Variants in MAP4K4 observed in about 807,000 individuals in gnomAD.
The protein encoded by MAP4K4 is mitogen-activated protein kinase kinase kinase kinase 4.
MAP4K4 carries 38 observed loss-of-function variants against 189.6 expected under a neutral mutation model. The ratio of observed to expected loss-of-function variants is 0.20; its 90% CI spans 0.15 to 0.26. The LOEUF (loss-of-function observed/expected upper bound fraction) is 0.26. Ranked by LOEUF, MAP4K4 falls within the 10% of genes least tolerant of loss-of-function variation. The pLI, the probability that MAP4K4 is intolerant of heterozygous loss-of-function variation, is 1.00. For missense variants in MAP4K4, 1,054 were observed against 1,726.9 expected (o/e 0.61, Z 6.91); for synonymous variants, 610 against 624.3 (o/e 0.98, Z 0.34).
At chr2:101,792,183 C>A (rs1233463653) in intron 3 of MAP4K4, among the ~76,000 whole-genome samples, 2 of 152,208 alleles carry the variant, frequency 1.3e-5, no homozygotes, top group South Asian at 4.1e-4. Context: ...ACCAAAGTCT[C>A]CATTCCGAAT....
At chr2:101,701,540 C>T (rs548317694) in intron 2 of MAP4K4, among the ~76,000 whole-genome samples, 3 of 152,054 alleles carry the variant, frequency 2.0e-5, no homozygotes, top group Non-Finnish European at 4.4e-5. Flanking sequence ...GGGACTTGAT[C>T]CAGTTTTTTG....
intron 2 of MAP4K4, among the ~76,000 whole-genome samples, chr2:101,719,414 C>T (rs887049543): frequency 2.0e-5 from 3 of 152,088 alleles, no homozygotes; most frequent in Non-Finnish European, 2.9e-5. Flanking sequence ...GGTCAGAGGC[C>T]GGGACTGCCC....
intron 2 of MAP4K4, among the ~76,000 whole-genome samples, chr2:101,730,450 G>T (rs1254427786): frequency 6.6e-6 from 1 of 152,126 alleles, no homozygotes; most frequent in African/African-American, 2.4e-5. Flanking sequence ...GAAGGCAGAG[G>T]TTAAACTCAT....
chr2:101,850,570 T>A (rs965419860), intron 12 of MAP4K4, among the ~76,000 whole-genome samples: 1 of 152,104 alleles, frequency 6.6e-6, no homozygotes, highest in Non-Finnish European at 1.5e-5. Context: ...ACATTAGGAG[T>A]ACATGTTAGC....
At chr2:101,883,728 A>G (rs2150246201) in intron 28 of MAP4K4, among the ~76,000 whole-genome samples, 1 of 152,176 alleles carries the variant, frequency 6.6e-6, no homozygotes, top group East Asian at 1.9e-4. Context: ...GTTTATGAAA[A>G]TATATACATC....
At chr2:101,867,948 C>G in intron 20 of MAP4K4, 81 bp from the exon 21 acceptor site, 1 of 1,407,716 alleles carries the variant, frequency 7.1e-7, no homozygotes, top group Admixed American at 1.8e-5. Flanking sequence ...CTCTCCCCTT[C>G]TTTCTCCCGC....
chr2:101,832,038 A>G (rs2096608171), intron 7 of MAP4K4, among the ~76,000 whole-genome samples, 187 bp downstream of exon 7: 1 of 152,226 alleles, frequency 6.6e-6, no homozygotes. Flanking sequence ...GTCCATTTGC[A>G]TCACATGACT....
chr2:101,759,456 ATTTCCC>A lies in MAP4K4; in HGVS notation c.124-31250_124-31245del, dbSNP rs1271196471. 9.2e-4 allele frequency among the ~76,000 whole-genome samples: 112 copies of A among 122,266 alleles called. 1 individual carries two copies. Among genetic ancestry groups the A allele is most frequent in the African/African-American group, 3.4e-3 (106 of 31,276 alleles). The allele number at this position is 122,266 out of a possible 152,430, so 80.2% of individuals were successfully genotyped here. ...CTTTCCCTTTTCTTTTCCCTTTGCC[ATTTCCC>A]TTTCCCTTTCCCTCTCCCCTCCCCT... On this transcript the variant is annotated intron_variant, in intron 2 of 32. Coordinates refer to ENST00000324219, the Ensembl canonical transcript of MAP4K4.
chr2:101,881,836 A>C lies in MAP4K4; in HGVS notation c.3386-715A>C, dbSNP rs958432268. 3.8e-4 allele frequency among the ~76,000 whole-genome samples: 58 copies of C among 151,704 alleles called. 1 individual carries two copies. The highest frequency in any genetic ancestry group is 8.8e-5 in the Non-Finnish European group (6 of 68,012). On this transcript the variant is annotated intron_variant, in intron 27 of 32. Coordinates refer to ENST00000324219, the Ensembl canonical transcript of MAP4K4. ...ATGTGTGTGGCTGACGTTGCCCCCCATCATTTTTGTTGTTGTTGCTTGTAG... is the reference window on the plus strand; with the variant it reads ...ATGTGTGTGGCTGACGTTGCCCCCCCTCATTTTTGTTGTTGTTGCTTGTAG...
chr2:101,778,881 C>T (rs372556905), intron 2 of MAP4K4, among the ~76,000 whole-genome samples: 15 of 152,182 alleles, frequency 9.9e-5, no homozygotes, highest in African/African-American at 3.6e-4. Context: ...TGATCTGGTA[C>T]CTGGAGCTTT....
chr2:101,806,614 G>A (rs1213008275), intron 3 of MAP4K4, among the ~76,000 whole-genome samples: 3 of 152,116 alleles, frequency 2.0e-5, no homozygotes, highest in Non-Finnish European at 4.4e-5. Context: ...TCCTGACCTC[G>A]TGATCCGCCC....
intron 9 of MAP4K4, among the ~76,000 whole-genome samples, chr2:101,836,911 C>T (rs1003507951): frequency 5.3e-5 from 8 of 152,054 alleles, no homozygotes; most frequent in Non-Finnish European, 8.8e-5. Context: ...GTTGTAAAAT[C>T]TTGAAGAAAG....
intron 2 of MAP4K4, among the ~76,000 whole-genome samples, chr2:101,726,858 G>A (rs1165518256): frequency 6.6e-6 from 1 of 152,122 alleles, no homozygotes; most frequent in Non-Finnish European, 1.5e-5. Context: ...AAAGGGATTT[G>A]TATCTTACAC....
intron 2 of MAP4K4, among the ~76,000 whole-genome samples, chr2:101,722,812 C>G (rs548604283): frequency 1.3e-5 from 2 of 152,316 alleles, no homozygotes; most frequent in East Asian, 3.9e-4. Flanking sequence ...ATGTTCTCTA[C>G]GTTGTACATA....
chr2:101,780,345 T>C (rs1377340857), intron 2 of MAP4K4, among the ~76,000 whole-genome samples: 1 of 152,198 alleles, frequency 6.6e-6, no homozygotes, highest in Admixed American at 6.5e-5. Context: ...GTTTGAGTGC[T>C]TTAGTGATGC....
chr2:101,812,023 G>C (rs12329012), intron 3 of MAP4K4, among the ~76,000 whole-genome samples: 2,842 of 152,226 alleles, frequency 0.019, 87 homozygotes, highest in African/African-American at 0.064. Context: ...CACTCTTGGA[G>C]GAGGAGGTAC....
intron 12 of MAP4K4, among the ~76,000 whole-genome samples, chr2:101,851,602 A>C (rs2097285201): frequency 6.6e-6 from 1 of 152,082 alleles, no homozygotes; most frequent in African/African-American, 2.4e-5. Context: ...GCTACCTCCA[A>C]ATTGAGGGCC....
intron 23 of MAP4K4, 124 bp downstream of exon 23, chr2:101,870,539 G>A (rs2097958821): frequency 7.3e-7 from 1 of 1,375,412 alleles, no homozygotes; most frequent in Non-Finnish European, 9.8e-7. Flanking sequence ...AGTCCCAGAG[G>A]GTCAAGTGTC....
At chr2:101,867,876 T>C (rs2097861704) in intron 20 of MAP4K4, 153 bp from the exon 21 acceptor site, 1 of 708,966 alleles carries the variant, frequency 1.4e-6, no homozygotes. Flanking sequence ...GTGCACGCTT[T>C]GTGGAATTTT....
Sources: gnomAD v4.1 joint callset for allele counts (sites outside exome capture counted in the v4.1 genomes callset) on GRCh38, gnomAD v4.1.1 for gene constraint, MANE v1.5 for transcripts, NCBI Gene and HGNC (gene_info 2026-07-23, HGNC 2026-07-21) for gene names.